PPP1R3F: variants seen among roughly 807,000 people sequenced by gnomAD.
PPP1R3F encodes protein phosphatase 1 regulatory subunit 3F.
Under a neutral mutation model 24.2 loss-of-function variants are expected in PPP1R3F, and 29 were observed. That is an observed-to-expected ratio of 1.20 (90% CI 0.89 to 1.63). The LOEUF is 1.63. Ranked by LOEUF, PPP1R3F falls within the 40% of genes most tolerant of loss-of-function variation. PPP1R3F has a pLI of 0.00. For synonymous variants in PPP1R3F, 363 were observed against 340.1 expected, an observed-to-expected ratio of 1.07 and a Z score of -0.74; for missense variants, 823 against 729.3, an observed-to-expected ratio of 1.13 and a Z score of -1.48.
intron 1 of PPP1R3F, among the ~76,000 whole-genome samples, chrX:49,277,400 C>G (rs781852342): frequency 1.8e-5 from 2 of 112,676 alleles, no homozygotes; most frequent in East Asian, 5.6e-4. Flanking sequence ...GATGCATGTC[C>G]AAGATTTTCC....
At chrX:49,300,373 G>A (rs781847340) in intron 3 of PPP1R3F, among the ~76,000 whole-genome samples, 3 of 110,276 alleles carry the variant, frequency 2.7e-5, no homozygotes, top group East Asian at 2.8e-4. Context: ...GAGATGAGCC[G>A]GGTACCTCAG....
chrX:49,282,887 G>A (rs1403990132), intron 3 of PPP1R3F, among the ~76,000 whole-genome samples: 2 of 109,107 alleles, frequency 1.8e-5, no homozygotes, highest in Admixed American at 9.9e-5. Flanking sequence ...CCCTCTGGCT[G>A]CTGCTTGGAA....
At position 49,287,477 on chromosome X, in the gene PPP1R3F, C is replaced by T; in HGVS notation, c.*387C>T. 6.6e-6 allele frequency: 1 copy of T among 150,505 alleles called. No homozygotes were observed. The highest frequency in any genetic ancestry group is 1.3e-5 in the Non-Finnish European group (1 of 77,908). 12.4% of individuals were successfully genotyped at this position (150,505 alleles called of 1,213,427 possible). On this transcript the variant is annotated 3_prime_UTR_variant, in exon 4 of 4. Transcript: ENST00000055335. ...TTTTTAATTTAATTTATATAGAGTACCTATTATTATATGCCACAATAGAGC... is the reference window on the plus strand; with the variant it reads ...TTTTTAATTTAATTTATATAGAGTATCTATTATTATATGCCACAATAGAGC...
intron 1 of PPP1R3F, among the ~76,000 whole-genome samples, chrX:49,271,079 T>TCA (rs1557119240): frequency 7.1e-5 from 8 of 112,149 alleles, no homozygotes; most frequent in Non-Finnish European, 1.5e-4. Context: ...TGAGTTCCAC[T>TCA]GTAAAGCCCT....
Position 49,287,968 on chromosome X carries a change from G to A in PPP1R3F, c.*878G>A, listed in dbSNP as rs1478857126. The A allele has an allele frequency of 1.8e-5, 2 of 112,261 alleles. No individual in the cohort carries two copies. Among genetic ancestry groups the A allele is most frequent in the Non-Finnish European group, 3.8e-5 (2 of 53,274 alleles). The allele number at this position is 112,261 out of a possible 1,213,427, so 9.3% of individuals were successfully genotyped here. A position where few individuals can be genotyped will look rare whatever the true frequency, so the allele number is the denominator to read the frequency against. On this transcript the variant is annotated 3_prime_UTR_variant, in exon 4 of 4. Transcript: ENST00000055335. ...GAAAGGAAAGAGGAGTTAATGTACTGCAGTACTTGGTAGCACAGTTGCTGT... is the reference window on the plus strand; with the variant it reads ...GAAAGGAAAGAGGAGTTAATGTACTACAGTACTTGGTAGCACAGTTGCTGT...
At chrX:49,290,163 G>A (rs1569531114), downstream of PPP1R3F, among the ~76,000 whole-genome samples, 1 of 111,959 alleles carries the variant, frequency 8.9e-6, no homozygotes, top group Non-Finnish European at 1.9e-5. Context: ...GGAAGTGGGA[G>A]TAGCATGAGT....
chrX:49,294,908 CAAAAA>C (rs58639270), intron 3 of PPP1R3F, among the ~76,000 whole-genome samples: 1 of 45,018 alleles, frequency 2.2e-5, no homozygotes, highest in African/African-American at 7.1e-5. Flanking sequence ...GAATATGTCT[CAAAAA>C]AAAAAAAAAA....
intron 1 of PPP1R3F, among the ~76,000 whole-genome samples, chrX:49,271,842 C>T (rs1557119373): frequency 8.9e-6 from 1 of 112,615 alleles, no homozygotes; most frequent in African/African-American, 3.2e-5. Context: ...TTTTGCCACA[C>T]CACCTGTGAT....
intron 3 of PPP1R3F, among the ~76,000 whole-genome samples, chrX:49,294,944 G>GC (rs1204589344): frequency 1.1e-5 from 1 of 93,001 alleles, no homozygotes. Context: ...TAAGCTGTAG[G>GC]TTTTTTTTTT....
intron 1 of PPP1R3F, among the ~76,000 whole-genome samples, chrX:49,279,148 G>A (rs1244399874): frequency 2.7e-5 from 3 of 111,962 alleles, no homozygotes; most frequent in African/African-American, 9.7e-5. Context: ...CTAGGACTTC[G>A]GGAGGCTGAG....
Position 49,286,123 on chromosome X carries a change from T to A in PPP1R3F, c.1433T>A (p.Leu478Gln). Residue 478 changes from leucine to glutamine, a missense_variant, in exon 4 of 4, where the codon CTG becomes CAG. Coordinates refer to ENST00000055335, the MANE Select transcript of PPP1R3F (RefSeq NM_033215.5). ...GLEAVSGSEE[L>Q]LGEDTIDQEL... is the part of the protein sequence containing the mutation. ...GAGGCTGTGAGTGGGTCAGAGGAGC[T>A]GCTCGGTGAGGACACCATCGACCAG... is the stretch of plus-strand genomic sequence containing the variant. 1 of 1,172,843 alleles carries A rather than the reference T, an allele frequency of 8.5e-7. No homozygotes were observed. The highest frequency in any genetic ancestry group is 1.7e-5 in the African/African-American group (1 of 57,193).
At chrX:49,278,711 C>G (rs979619028) in intron 1 of PPP1R3F, among the ~76,000 whole-genome samples, 10 of 112,661 alleles carry the variant, frequency 8.9e-5, no homozygotes, top group African/African-American at 3.2e-4. Context: ...GCAGTTCTTG[C>G]AGCCATTCTG....
chrX:49,289,525 A>G (rs1488006508), downstream of PPP1R3F, among the ~76,000 whole-genome samples: 1 of 111,828 alleles, frequency 8.9e-6, no homozygotes, highest in Non-Finnish European at 1.9e-5. Context: ...CAAAAAGCCA[A>G]AAAAAAGCTT....
Position 49,286,857 on chromosome X carries a change from CAT to C in PPP1R3F, c.2168_2169del (p.His723ArgfsTer6). On this transcript the variant is annotated frameshift_variant, in exon 4 of 4. Coordinates refer to ENST00000055335, the MANE Select transcript of PPP1R3F (RefSeq NM_033215.5). LOFTEE classifies it high-confidence loss of function. ...EVCLSSVARP[H>X]VSSQDEKDAG... ...CTGTCTCTCTAGTGTAGCCAGGCCTCATGTGAGCTCCCAGGATGAAAAGGATG... is the reference window on the plus strand; with the variant it reads ...CTGTCTCTCTAGTGTAGCCAGGCCTCGTGAGCTCCCAGGATGAAAAGGATG... 8.4e-7 allele frequency: 1 copy of C among 1,192,658 alleles called. No individual in the cohort carries two copies. The highest frequency in any genetic ancestry group is 2.3e-5 in the Admixed American group (1 of 44,234).
At chrX:49,292,768 A>G (rs1342743602), downstream of PPP1R3F, among the ~76,000 whole-genome samples, 1 of 112,188 alleles carries the variant, frequency 8.9e-6, no homozygotes, top group African/African-American at 3.2e-5. Context: ...GCCCACTGAC[A>G]CTGCTGTGCA....
In PPP1R3F at chrX:49,281,435, A is replaced by G. The variant is rs1557120707; in HGVS notation, c.1034A>G (p.Asn345Ser). The change falls in exon 2 of 4, where the codon AAC (asparagine) becomes AGC (serine). Residue 345 changes from asparagine (N) to serine (S), a missense_variant. Asn to Ser is a conservative substitution (Grantham distance 46, BLOSUM62 1). Transcript: ENST00000055335. ...RPAEEELKTKNMDDNTFAMAE... is the reference protein window; with the variant it reads ...RPAEEELKTKSMDDNTFAMAE... ...GCCGAGGAGGAACTGAAGACGAAGA[A>G]CATGGATGATAACACCTTTGCCATG... 3.3e-6 allele frequency: 4 copies of G among 1,209,073 alleles called. No homozygotes were observed. Among genetic ancestry groups the G allele is most frequent in the African/African-American group, 1.7e-5 (1 of 57,829 alleles).
At chrX:49,273,522 A>G (rs1483050977) in intron 1 of PPP1R3F, 2 of 111,976 alleles carry the variant, frequency 1.8e-5, no homozygotes, top group Non-Finnish European at 3.8e-5. Context: ...AGCTCTTGCA[A>G]AGGGGAGGTT....
In PPP1R3F at chrX:49,269,920, C is replaced by T; in HGVS notation, c.51C>T (p.Pro17=). 1 of 907,064 alleles carries T rather than the reference C, an allele frequency of 1.1e-6. No individual in the cohort carries two copies. The allele number at this position is 907,064 out of a possible 1,213,427, so 74.8% of individuals were successfully genotyped here. A position where few individuals can be genotyped will look rare whatever the true frequency, so the allele number is the denominator to read the frequency against. The change falls in exon 1 of 4, where the codon CCC becomes CCT. Residue 17 remains proline, a synonymous_variant. Coordinates refer to ENST00000055335, the MANE Select transcript of PPP1R3F (RefSeq NM_033215.5). Reference sequence around the variant, plus strand: ...CCCCGCTGCGGCATTCCGCGCCCCCCTCGCCGGCCGCGGGTGAGCCCCGCA... The same window carrying T: ...CCCCGCTGCGGCATTCCGCGCCCCCTTCGCCGGCCGCGGGTGAGCCCCGCA... ...VEPPLRHSAP[P]SPAAGEPRTS... is the part of the protein sequence containing the mutation.
At chrX:49,293,554 G>A (rs2066314883) in intron 3 of PPP1R3F, among the ~76,000 whole-genome samples, 1 of 112,404 alleles carries the variant, frequency 8.9e-6, no homozygotes, top group Non-Finnish European at 1.9e-5. Flanking sequence ...ATGAGATGGA[G>A]TGAACTAAGG....
Sources: gnomAD v4.1 joint callset for allele counts (sites outside exome capture counted in the v4.1 genomes callset) on GRCh38, gnomAD v4.1.1 for gene constraint, MANE v1.5 for transcripts, NCBI Gene and HGNC (gene_info 2026-07-23, HGNC 2026-07-21) for gene names.